The following LILRA2 variants were observed in gnomAD, a reference collection of about 807,000 sequenced individuals.
The protein encoded by LILRA2 is leukocyte immunoglobulin like receptor A2.
Under a neutral mutation model 47.9 loss-of-function variants are expected in LILRA2, and 45 were observed. The ratio of observed to expected loss-of-function variants is 0.94; its 90% CI spans 0.74 to 1.20. The LOEUF (loss-of-function observed/expected upper bound fraction) is 1.20. LILRA2 is among the 50% of genes most tolerant of loss of function. The probability of loss-of-function intolerance (pLI) is 0.00; values close to 1 mark genes in which losing one functional copy is unlikely to be tolerated. For missense variants in LILRA2, 651 were observed against 598.2 expected (o/e 1.09, Z -0.92); for synonymous variants, 279 against 249.2 (o/e 1.12, Z -1.13).
At chr19:54,576,477 A>AAAAT in intron 6 of LILRA2, among the ~76,000 whole-genome samples, 1 of 152,266 alleles carries the variant, frequency 6.6e-6, no homozygotes, top group African/African-American at 2.4e-5. Flanking sequence ...GGGTGACAAA[A>AAAAT]CCAGCCACTC....
Position 54,574,297 on chromosome 19 carries a change from C to T in LILRA2, c.71-4C>T, listed in dbSNP as rs2062279167. The T allele has an allele frequency of 6.2e-7, 1 of 1,613,978 alleles. No homozygotes were observed. Among genetic ancestry groups the T allele is most frequent in the African/African-American group, 1.3e-5 (1 of 74,954 alleles). On this transcript the variant is annotated splice_region_variant and splice_polypyrimidine_tract_variant and intron_variant, in intron 2 of 7. Transcript: ENST00000391738. ...TTAGAATCCGACCTCTGATTTCCTT[C>T]CAGGGCACCTCCCCAAGCCCACCCT... is the stretch of plus-strand genomic sequence containing the variant.
intron 6 of LILRA2, among the ~76,000 whole-genome samples, chr19:54,585,561 C>A (rs1600238609): frequency 6.6e-6 from 1 of 152,324 alleles, no homozygotes; most frequent in East Asian, 1.9e-4. Context: ...GCTGCGCTAG[C>A]AGTGAGCAAG....
At chr19:54,578,038 C>A (rs911222654) in intron 6 of LILRA2, among the ~76,000 whole-genome samples, 1 of 151,736 alleles carries the variant, frequency 6.6e-6, no homozygotes, top group African/African-American at 2.4e-5. Context: ...AAATTTTACT[C>A]CTAAGAATAT....
At chr19:54,578,836 C>A (rs2062556699) in intron 6 of LILRA2, among the ~76,000 whole-genome samples, 1 of 152,220 alleles carries the variant, frequency 6.6e-6, no homozygotes, top group African/African-American at 2.4e-5. Flanking sequence ...GAGATGGTAT[C>A]TCACTGCTGT....
chr19:54,577,748 T>C (rs2062515430), intron 6 of LILRA2: 2 of 1,199,430 alleles, frequency 1.7e-6, no homozygotes, highest in African/African-American at 1.6e-5. Context: ...CACGTCTTTC[T>C]GTTTAACTCA....
At chr19:54,585,174 C>G (rs1416252748) in intron 6 of LILRA2, among the ~76,000 whole-genome samples, 1 of 152,192 alleles carries the variant, frequency 6.6e-6, no homozygotes. Context: ...GAGGGGCACC[C>G]ACCTGTTTGA....
At position 54,587,017 on chromosome 19, in the gene LILRA2, T is replaced by C; in HGVS notation, c.1263T>C (p.Ala421=). ...CACTGTTTTGATTCTCAGAAGCAGC[T>C]GAGACCCTCAGCCCATCACAAAACA... ...DPLELVVSEA[A]ETLSPSQNKT... is the part of the protein sequence containing the mutation. The change falls in exon 7 of 8, where the codon GCT becomes GCC. Residue 421 remains alanine, a synonymous_variant. Transcript: ENST00000391738. 2 of 1,612,502 alleles carry C rather than the reference T, an allele frequency of 1.2e-6. No homozygotes were observed. The highest frequency in any genetic ancestry group is 2.2e-5 in the East Asian group (1 of 44,856).
rs776058324 is a variant in LILRA2, at chr19:54,575,806, G to A, written c.953-1G>A. 1.1e-5 allele frequency: 18 copies of A among 1,613,454 alleles called. No homozygotes were observed. The highest frequency in any genetic ancestry group is 1.5e-5 in the Non-Finnish European group (18 of 1,179,742). On this transcript the variant is annotated splice_acceptor_variant, in intron 5 of 7. Coordinates refer to ENST00000391738, the MANE Select transcript of LILRA2 (RefSeq NM_001130917.3). LOFTEE classifies it high-confidence loss of function. ...CCCTCACCCATCCTTCTTCTCTCTA[G>A]GACAGTTCTATGACAGACCCTCTCT...
intron 6 of LILRA2, among the ~76,000 whole-genome samples, chr19:54,584,182 T>C (rs2062728414): frequency 6.6e-6 from 1 of 152,204 alleles, no homozygotes; most frequent in Admixed American, 6.5e-5. Flanking sequence ...TAACCAGACC[T>C]TTCTCTCTGG....
intron 6 of LILRA2, among the ~76,000 whole-genome samples, chr19:54,581,841 A>G (rs1020975955): frequency 1.3e-5 from 2 of 151,910 alleles, no homozygotes; most frequent in Admixed American, 6.6e-5. Context: ...GAACCAAAAA[A>G]GAGCCCGCAT....
intron 7 of LILRA2, 39 bp downstream of exon 7, chr19:54,587,099 G>A (rs2062833884): frequency 6.2e-7 from 1 of 1,612,290 alleles, no homozygotes; most frequent in African/African-American, 1.3e-5. Context: ...GACTGGCACA[G>A]AGGGTCAGGT....
rs747205241 is a variant in LILRA2 at position 54,575,514 on chromosome 19, G to C, written c.914G>C (p.Trp305Ser). The C allele has an allele frequency of 2.5e-6, 4 of 1,612,582 alleles. No homozygotes were observed. The East Asian group carries it at 8.9e-5, about 36-fold the overall frequency. The change falls in exon 5 of 8, where the codon TGG becomes TCG. Residue 305 changes from tryptophan to serine, a missense_variant. Transcript: ENST00000391738. ...CYSAHNLSSE[W>S]SAPSDPLDIL... Reference sequence around the variant, plus strand: ...AGTGCACACAACCTCTCCTCCGAGTGGTCGGCCCCCAGTGACCCCCTGGAC... The same window carrying C: ...AGTGCACACAACCTCTCCTCCGAGTCGTCGGCCCCCAGTGACCCCCTGGAC...
rs867272750 is a variant in LILRA2, at chr19:54,586,876, C to G, written c.1256-134C>G. On this transcript the variant is annotated intron_variant, in intron 6 of 7. Transcript: ENST00000391738. ...AATTCAATGAGGAGACTGGAGGGAA[C>G]CCTGCTACAGCAGAGGAAGGGTTTA... 8 of 581,584 alleles carry G rather than the reference C, an allele frequency of 1.4e-5. No individual in the cohort carries two copies. In the African/African-American group the frequency reaches 1.5e-4, roughly 11 times the overall value. 36.0% of individuals were successfully genotyped at this position (581,584 alleles called of 1,614,324 possible).
At position 54,588,632 on chromosome 19, in the gene LILRA2, C is replaced by A. The variant is rs1174170128; in HGVS notation, c.*1286C>A. 1 of 150,876 alleles carries A rather than the reference C, an allele frequency of 6.6e-6. No homozygotes were observed. The highest frequency in any genetic ancestry group is 1.5e-5 in the Non-Finnish European group (1 of 67,748). The allele number at this position is 150,876 out of a possible 1,614,324, so 9.3% of individuals were successfully genotyped here. A position where few individuals can be genotyped will look rare whatever the true frequency, so the allele number is the denominator to read the frequency against. On this transcript the variant is annotated 3_prime_UTR_variant, in exon 8 of 8. Coordinates refer to ENST00000391738, the MANE Select transcript of LILRA2 (RefSeq NM_001130917.3). Reference sequence around the variant, plus strand: ...AAAAAAAAAAAAAATCCAAGTACAACATAAGAAAAATGTTAACAGAACTAT... The same window carrying A: ...AAAAAAAAAAAAAATCCAAGTACAAAATAAGAAAAATGTTAACAGAACTAT...
Position 54,587,242 on chromosome 19 carries a change from C to A in LILRA2, c.1348C>A (p.Leu450Ile). Reference protein sequence around the residue: ...QHPQDYTVENLIRMGVAGLVL... With the variant: ...QHPQDYTVENIIRMGVAGLVL... Reference sequence around the variant, plus strand: ...CCCCCAGGATTACACAGTGGAGAATCTCATCCGCATGGGTGTGGCTGGCTT... The same window carrying A: ...CCCCCAGGATTACACAGTGGAGAATATCATCCGCATGGGTGTGGCTGGCTT... Residue 450 changes from leucine (L) to isoleucine (I), a missense_variant, in exon 8 of 8, where the codon CTC becomes ATC. Leu to Ile is a conservative substitution (Grantham distance 5). Coordinates refer to ENST00000391738, the MANE Select transcript of LILRA2 (RefSeq NM_001130917.3). 1 of 1,614,104 alleles carries A rather than the reference C, an allele frequency of 6.2e-7. No homozygotes were observed.
chr19:54,577,674 C>T (rs1022519764), intron 6 of LILRA2: 2 of 1,285,332 alleles, frequency 1.6e-6, no homozygotes, highest in Admixed American at 2.3e-5. Flanking sequence ...GTGCTCAGGG[C>T]ATCCCTGAGA....
At chr19:54,585,447 G>T (rs924173087) in intron 6 of LILRA2, among the ~76,000 whole-genome samples, 1 of 152,190 alleles carries the variant, frequency 6.6e-6, no homozygotes, top group Non-Finnish European at 1.5e-5. Context: ...CACCCAGTTC[G>T]TGCTTCCAGG....
At chr19:54,574,175 G>C (rs1171652531) in intron 2 of LILRA2, 64 bp downstream of exon 2, 1 of 1,614,124 alleles carries the variant, frequency 6.2e-7, no homozygotes, top group African/African-American at 1.3e-5. Context: ...CCACCCCCGT[G>C]CAGCTGGGGA....
intron 6 of LILRA2, among the ~76,000 whole-genome samples, chr19:54,580,192 CT>C (rs1203757541): frequency 8.9e-6 from 1 of 112,022 alleles, no homozygotes. Context: ...TGCCGGTTTT[CT>C]TTTCTTTTTT....
Sources: allele counts gnomAD v4.1 joint callset (sites outside exome capture counted in the v4.1 genomes callset), GRCh38; gene constraint gnomAD v4.1.1; transcripts MANE v1.5; gene names NCBI Gene and HGNC (gene_info 2026-07-23, HGNC 2026-07-21).